The following OTOF variants were observed in gnomAD, a reference collection of about 807,000 sequenced individuals.
The protein encoded by OTOF is otoferlin.
Under a neutral mutation model 236.8 loss-of-function variants are expected in OTOF, and 218 were observed. That is an observed-to-expected ratio of 0.92 (90% CI 0.82 to 1.03). OTOF has a LOEUF of 1.03. OTOF is among the 50% of genes least tolerant of loss of function. OTOF has a pLI of 0.00. For missense variants in OTOF, 2,590 were observed against 2,694.4 expected, an observed-to-expected ratio of 0.96 and a Z score of 0.86; for synonymous variants, 1,041 against 1,072.5, an observed-to-expected ratio of 0.97 and a Z score of 0.57.
intron 9 of OTOF, among the ~76,000 whole-genome samples, chr2:26,491,103 GC>G (rs1258296766): frequency 6.6e-6 from 1 of 152,156 alleles, no homozygotes; most frequent in East Asian, 1.9e-4. Flanking sequence ...AAGAAGTTAG[GC>G]CGGGGAGATG....
Position 26,476,034 on chromosome 2 carries a change from C to T in OTOF, c.2871G>A (p.Lys957=), listed in dbSNP as rs1488516129. The T allele has an allele frequency of 5.0e-6, 8 of 1,612,600 alleles. No homozygotes were observed. The highest frequency in any genetic ancestry group is 6.8e-6 in the Non-Finnish European group (8 of 1,179,948). Residue 957 remains lysine (K), a synonymous_variant, in exon 24 of 47, where the codon AAG becomes AAA. Coordinates refer to ENST00000272371, the MANE Select transcript of OTOF (RefSeq NM_194248.3). ...TGTGCGCTCGGAGCTGGAACGCCTG[C>T]TTCTCTGTGGGGAAGGGCAGCCTGA... ...FPPVSLVYTK[K]QAFQLRAHMY...
chr2:26,490,228 G>T (rs1665807171), intron 9 of OTOF, among the ~76,000 whole-genome samples: 1 of 152,218 alleles, frequency 6.6e-6, no homozygotes, highest in Non-Finnish European at 1.5e-5. Context: ...ATCTAAAGTG[G>T]CTACTGGCTG....
chr2:26,500,861 GA>G (rs1666099933), intron 8 of OTOF, among the ~76,000 whole-genome samples: 3 of 152,172 alleles, frequency 2.0e-5, no homozygotes, highest in Non-Finnish European at 2.9e-5. Flanking sequence ...AGGCATCAGA[GA>G]TAAAGCTCTA....
rs1664833241 is a variant in OTOF, at chr2:26,468,422, A to C, written c.4076T>G (p.Val1359Gly). The C allele has an allele frequency of 1.2e-6, 2 of 1,613,830 alleles. No individual in the cohort carries two copies. The highest frequency in any genetic ancestry group is 2.7e-5 in the African/African-American group (2 of 74,908). ...SGIDLEEKEE[V>G]DNTEGLKGSM... ...CCAGGGCTCACCCTCGGTATTGTCC[A>C]CTTCCTCCTTCTCCTCCAAGTCAAT... The change falls in exon 33 of 47, where the codon GTG becomes GGG. Residue 1359 changes from valine to glycine, a missense_variant. Physicochemically the swap from Val to Gly is moderately radical, Grantham distance 109. Transcript: ENST00000272371.
chr2:26,466,910 A>T (rs1664754433), intron 35 of OTOF, 59 bp from the exon 36 acceptor site: 2 of 1,610,372 alleles, frequency 1.2e-6, no homozygotes, highest in South Asian at 2.2e-5. Context: ...GGCATTCAAA[A>T]TAGCTAACAG....
chr2:26,471,219 G>A, intron 30 of OTOF, 69 bp from the exon 31 acceptor site: 1 of 1,564,032 alleles, frequency 6.4e-7, no homozygotes, highest in Non-Finnish European at 8.8e-7. Flanking sequence ...CAGTGGCCTA[G>A]CACAGGGTGT....
intron 5 of OTOF, among the ~76,000 whole-genome samples, chr2:26,512,611 G>A (rs55967472): frequency 2.9e-3 from 444 of 152,308 alleles, no homozygotes; most frequent in African/African-American, 0.01. Context: ...GGAACTTTGA[G>A]TAAATGAGCT....
chr2:26,518,497 G>C (rs1050937281), intron 4 of OTOF, among the ~76,000 whole-genome samples: 1 of 152,258 alleles, frequency 6.6e-6, no homozygotes, highest in Admixed American at 6.5e-5. Flanking sequence ...AGGCTGTCCT[G>C]GTAGGGTTGC....
rs148032363 is a variant in OTOF at position 26,477,676 on chromosome 2, A to G, written c.2288T>C (p.Val763Ala). The G allele has an allele frequency of 1.2e-6, 2 of 1,612,250 alleles. No homozygotes were observed. Among genetic ancestry groups the G allele is most frequent in the African/African-American group, 2.7e-5 (2 of 74,862 alleles). Residue 763 changes from valine (V) to alanine (A), a missense_variant, in exon 19 of 47, where the codon GTC (valine) becomes GCC (alanine). Val to Ala is a moderately conservative substitution (Grantham distance 64). Around this residue, in one of 2 missense-constraint regions of OTOF, gnomAD observed 1,379 missense variants for 1,341.6 expected, o/e 1.03. Coordinates refer to ENST00000272371, the MANE Select transcript of OTOF (RefSeq NM_194248.3). This position sits in a 1 kb window ranked among gnomAD's most constrained non-coding sequence, Gnocchi z 4.7. ...KSYPERRLRG[V>A]LEELSCGCCR... ...GCAGCCACAGCTCAGCTCCTCCAGG[A>G]CGCCCCGCAGGCGACGCTCAGGGTA...
At chr2:26,474,361 C>A (rs1316402257) in intron 26 of OTOF, 152 bp downstream of exon 26, 9 of 616,324 alleles carry the variant, frequency 1.5e-5, no homozygotes, top group Non-Finnish European at 2.4e-5. Context: ...TCAGCCCCAG[C>A]CCCCAGCCCC....
chr2:26,542,535 G>A (rs1022646711), intron 1 of OTOF, among the ~76,000 whole-genome samples: 5 of 152,210 alleles, frequency 3.3e-5, no homozygotes, highest in African/African-American at 1.2e-4. Flanking sequence ...GGATTAAGGA[G>A]GCATTGCAGA....
At chr2:26,489,968 T>C (rs948032275) in intron 9 of OTOF, among the ~76,000 whole-genome samples, 4 of 152,030 alleles carry the variant, frequency 2.6e-5, no homozygotes, top group African/African-American at 9.7e-5. Flanking sequence ...CTGGCTAGTG[T>C]GGGGTGGGAA....
chr2:26,532,917 G>A (rs1305330281), intron 2 of OTOF, among the ~76,000 whole-genome samples: 2 of 152,186 alleles, frequency 1.3e-5, no homozygotes, highest in African/African-American at 4.8e-5. Context: ...CATCCTTAAA[G>A]GGACAGGGCT....
At chr2:26,485,861 G>A (rs1420419232) in intron 11 of OTOF, among the ~76,000 whole-genome samples, 1 of 152,242 alleles carries the variant, frequency 6.6e-6, no homozygotes, top group Non-Finnish European at 1.5e-5. Flanking sequence ...GACAAGCAAG[G>A]TGAGAGGGCA....
chr2:26,480,384 T>G, intron 15 of OTOF, 73 bp from the exon 16 acceptor site: 1 of 927,892 alleles, frequency 1.1e-6, no homozygotes, highest in Non-Finnish European at 1.8e-6. Flanking sequence ...CCTCCTTCCG[T>G]CTCACAGACA....
chr2:26,556,737 G>C (rs140676932), intron 1 of OTOF, among the ~76,000 whole-genome samples: 2 of 152,120 alleles, frequency 1.3e-5, no homozygotes, highest in Admixed American at 6.5e-5. Context: ...CAGCTCCTCC[G>C]TGAATGCCAC....
At position 26,533,394 on chromosome 2, in the gene OTOF, T is replaced by C. The variant is rs531033460; in HGVS notation, c.138+4322A>G. Among the ~76,000 whole-genome samples the C allele has an allele frequency of 5.9e-5, 9 of 152,284 alleles. No individual in the cohort carries two copies. The South Asian group carries it at 1.7e-3, about 28-fold the overall frequency. On this transcript the variant is annotated intron_variant, in intron 2 of 46. Transcript: ENST00000272371. ...AGTATCCCGAGTGTGGCTATTTCAC[T>C]TTCCCAGGGCACAAAGGCTGGGTCT...
intron 40 of OTOF, 50 bp from the exon 41 acceptor site, chr2:26,463,621 A>G (rs1293305340): frequency 2.1e-6 from 3 of 1,432,168 alleles, no homozygotes; most frequent in Non-Finnish European, 2.9e-6. Context: ...CCCTCTGCCC[A>G]GGAAGATCAG....
rs1336951427 is a variant in OTOF, at chr2:26,489,736, A to G, written c.902T>C (p.Phe301Ser). The G allele has an allele frequency of 1.2e-6, 2 of 1,612,638 alleles. No individual in the cohort carries two copies. Among genetic ancestry groups the G allele is most frequent in the South Asian group, 2.2e-5 (2 of 91,086 alleles). ...STNCPYYNEYFVFDFHVSPDV... is the reference protein window; with the variant it reads ...STNCPYYNEYSVFDFHVSPDV... ...CGGAGAGACATGGAAGTCGAAGACGAAGTACTGGAGGGGGAAGGATCCAGG... is the reference window on the plus strand; with the variant it reads ...CGGAGAGACATGGAAGTCGAAGACGGAGTACTGGAGGGGGAAGGATCCAGG... The change falls in exon 10 of 47, where the codon TTC (phenylalanine) becomes TCC (serine). Residue 301 changes from phenylalanine (F) to serine (S), a missense_variant. By Grantham distance (155) the Phe-to-Ser change is radical. Around this residue, in one of 2 missense-constraint regions of OTOF, gnomAD observed 1,379 missense variants for 1,341.6 expected, o/e 1.03. Coordinates refer to ENST00000272371, the MANE Select transcript of OTOF (RefSeq NM_194248.3).
Sources: allele counts gnomAD v4.1 joint callset (sites outside exome capture counted in the v4.1 genomes callset), GRCh38; gene constraint gnomAD v4.1.1; regional missense constraint gnomAD v4.1.1; non-coding constraint Gnocchi (gnomAD v3.1); transcripts MANE v1.5; gene names NCBI Gene and HGNC (gene_info 2026-07-23, HGNC 2026-07-21).